Variants in VKORC1L1 observed in about 807,000 individuals in gnomAD.
The protein encoded by VKORC1L1 is vitamin K epoxide reductase complex subunit 1-like protein 1.
Under a neutral mutation model 18.9 loss-of-function variants are expected in VKORC1L1, and 2 were observed. The ratio of observed to expected loss-of-function variants is 0.11; its 90% CI spans 0.04 to 0.33. VKORC1L1 has a LOEUF of 0.33. Among genes scored for constraint, VKORC1L1 ranks in the 10% least tolerant of loss-of-function variants. VKORC1L1 has a pLI of 1.00. For synonymous variants in VKORC1L1, 96 were observed against 100.0 expected (o/e 0.96, Z 0.24); for missense variants, 123 against 224.1 (o/e 0.55, Z 2.88).
intron 1 of VKORC1L1, among the ~76,000 whole-genome samples, chr7:65,931,345 A>G (rs1257234123): frequency 1.3e-5 from 2 of 152,192 alleles, no homozygotes; most frequent in Non-Finnish European, 2.9e-5. Context: ...AGAATTTGCC[A>G]GTGAAACCAT....
intron 1 of VKORC1L1, among the ~76,000 whole-genome samples, chr7:65,877,285 A>G (rs1177918330): frequency 6.6e-6 from 1 of 152,184 alleles, no homozygotes; most frequent in Non-Finnish European, 1.5e-5. Flanking sequence ...TTTATAGCAT[A>G]GTATAAAGAT....
In VKORC1L1 at chr7:65,908,588, G is replaced by A. The variant is rs377246399; in HGVS notation, c.194+35023G>A. On this transcript the variant is annotated intron_variant, in intron 1 of 2. Transcript: ENST00000360768. ...CATGGTGGCTCATGCCTGTAATCCCGGCACTTTGGGAGGTCAAGGCAGGTG... is the reference window on the plus strand; with the variant it reads ...CATGGTGGCTCATGCCTGTAATCCCAGCACTTTGGGAGGTCAAGGCAGGTG... Among the ~76,000 whole-genome samples the A allele has an allele frequency of 3.3e-5, 5 of 151,778 alleles. No homozygotes were observed. The East Asian group carries it at 5.8e-4, about 18-fold the overall frequency.
At chr7:65,906,864 C>T (rs1167109366) in intron 1 of VKORC1L1, among the ~76,000 whole-genome samples, 1 of 152,100 alleles carries the variant, frequency 6.6e-6, no homozygotes, top group Non-Finnish European at 1.5e-5. Flanking sequence ...AGGCTATAAC[C>T]TGGGATGGGT....
At chr7:65,918,091 G>A (rs1789617527) in intron 1 of VKORC1L1, among the ~76,000 whole-genome samples, 1 of 152,164 alleles carries the variant, frequency 6.6e-6, no homozygotes, top group African/African-American at 2.4e-5. Flanking sequence ...CAACCCTAAA[G>A]GTTTCATCAT....
intron 1 of VKORC1L1, among the ~76,000 whole-genome samples, chr7:65,875,612 T>A (rs1011961006): frequency 1.2e-4 from 18 of 152,200 alleles, no homozygotes; most frequent in Non-Finnish European, 1.9e-4. Context: ...AGAGACGGGG[T>A]TTCACCATGT....
intron 1 of VKORC1L1, among the ~76,000 whole-genome samples, chr7:65,876,907 A>G (rs1422570175): frequency 6.6e-6 from 1 of 152,138 alleles, no homozygotes; most frequent in South Asian, 2.1e-4. Flanking sequence ...TTAACCGGGC[A>G]TGGTGGCGCA....
At chr7:65,941,815 A>G (rs1003513317) in intron 1 of VKORC1L1, among the ~76,000 whole-genome samples, 1 of 151,002 alleles carries the variant, frequency 6.6e-6, no homozygotes, top group African/African-American at 2.4e-5. Context: ...AGCTGGGACT[A>G]TAAGGCGAGT....
chr7:65,865,860 G>A, the VKORC1L1 span, among the ~76,000 whole-genome samples: 14 of 151,742 alleles, frequency 9.2e-5, no homozygotes, highest in South Asian at 2.1e-4. Flanking sequence ...CGTGGCTCAC[G>A]CCTATAATCC....
chr7:65,895,453 G>GGA (rs1789175604), intron 1 of VKORC1L1, among the ~76,000 whole-genome samples: 2 of 26,664 alleles, frequency 7.5e-5, no homozygotes, highest in African/African-American at 2.2e-4. Flanking sequence ...CCATCTGTGA[G>GGA]AAAAAAAAAA....
At chr7:65,909,737 T>TGTGTGTGAGTGA (rs1491345250) in intron 1 of VKORC1L1, among the ~76,000 whole-genome samples, 1 of 145,172 alleles carries the variant, frequency 6.9e-6, no homozygotes, top group African/African-American at 2.5e-5. Context: ...TGTGTGTGTG[T>TGTGTGTGAGTGA]GACGGAGGCT....
At chr7:65,877,149 T>TA (rs1406591086) in intron 1 of VKORC1L1, among the ~76,000 whole-genome samples, 2 of 152,250 alleles carry the variant, frequency 1.3e-5, no homozygotes, top group Admixed American at 6.5e-5. Context: ...TTATAGCTGT[T>TA]ACCATTGATT....
intron 1 of VKORC1L1, among the ~76,000 whole-genome samples, chr7:65,917,585 A>T (rs78803505): frequency 0.13 from 19,277 of 152,186 alleles, 1,370 homozygotes; most frequent in Middle Eastern, 0.21. Flanking sequence ...TTATGAAAAT[A>T]TGAAACATAC....
intron 1 of VKORC1L1, among the ~76,000 whole-genome samples, chr7:65,887,140 T>A (rs961763266): frequency 1.3e-5 from 2 of 151,986 alleles, no homozygotes; most frequent in South Asian, 4.1e-4. Flanking sequence ...TGAGCCACCA[T>A]GCCTGGCCGG....
At chr7:65,934,540 C>T (rs1055397577) in intron 1 of VKORC1L1, among the ~76,000 whole-genome samples, 2 of 152,086 alleles carry the variant, frequency 1.3e-5, no homozygotes, top group African/African-American at 4.8e-5. Context: ...TCATTCCTCC[C>T]ACTCCCCCAG....
At chr7:65,890,403 T>C (rs1330849422) in intron 1 of VKORC1L1, among the ~76,000 whole-genome samples, 1 of 152,146 alleles carries the variant, frequency 6.6e-6, no homozygotes, top group Non-Finnish European at 1.5e-5. Context: ...AATGCTGGGA[T>C]TACAGGCGTG....
intron 1 of VKORC1L1, among the ~76,000 whole-genome samples, chr7:65,921,768 A>C (rs1789679464): frequency 6.6e-6 from 1 of 151,948 alleles, no homozygotes; most frequent in Non-Finnish European, 1.5e-5. Context: ...GAATGGCATG[A>C]ACCCGGGAGG....
chr7:65,934,656 C>A (rs1050955489), intron 1 of VKORC1L1, among the ~76,000 whole-genome samples: 8 of 152,164 alleles, frequency 5.3e-5, no homozygotes, highest in Admixed American at 1.3e-4. Context: ...AGGCTTATTT[C>A]ATCCAGCATA....
chr7:65,941,682 T>G (rs1235532971), intron 1 of VKORC1L1, among the ~76,000 whole-genome samples: 2 of 142,328 alleles, frequency 1.4e-5, no homozygotes, highest in Non-Finnish European at 3.1e-5. Flanking sequence ...GGTTTTTTTT[T>G]TTTTTTTTTT....
chr7:65,895,471 AAAAAAAAAAATATATATAT>A (rs1789180564), intron 1 of VKORC1L1, among the ~76,000 whole-genome samples: 2 of 56,004 alleles, frequency 3.6e-5, no homozygotes, highest in East Asian at 5.7e-4. Flanking sequence ...AAAAAAAAAA[AAAAAAAAAAATATATATAT>A]ATATATATAT....
Sources: gnomAD v4.1 joint callset for allele counts (sites outside exome capture counted in the v4.1 genomes callset) on GRCh38, gnomAD v4.1.1 for gene constraint, MANE v1.5 for transcripts, NCBI Gene and HGNC (gene_info 2026-07-23, HGNC 2026-07-21) for gene names.